ST18: variants seen among roughly 807,000 people sequenced by gnomAD.
The protein encoded by ST18 is ST18 C2H2C-type zinc finger transcription factor.
A neutral mutation model predicts 110.0 loss-of-function variants in ST18; 50 were observed. The observed-to-expected ratio is 0.45, with a 90% CI of 0.36 to 0.58. The LOEUF is 0.58. Ranked by LOEUF, ST18 falls within the 20% of genes least tolerant of loss-of-function variation. The pLI is 0.00. For synonymous variants in ST18, 461 were observed against 452.4 expected, an observed-to-expected ratio of 1.02 and a Z score of -0.24; for missense variants, 1,306 against 1,280.1, an observed-to-expected ratio of 1.02 and a Z score of -0.31.
chr8:52,388,861 T>G (rs1471696089), intron 2 of ST18, among the ~76,000 whole-genome samples: 1 of 147,404 alleles, frequency 6.8e-6, no homozygotes, highest in Non-Finnish European at 1.5e-5. Context: ...ATATACCTAA[T>G]GCTAAATGAT....
intron 25 of ST18, among the ~76,000 whole-genome samples, chr8:52,115,457 A>T (rs141978880): frequency 3.3e-5 from 5 of 152,360 alleles, no homozygotes; most frequent in Non-Finnish European, 7.4e-5. Context: ...GTCCCATAAG[A>T]TAACAATAGC....
At chr8:52,310,122 G>T (rs1464040624) in intron 2 of ST18, among the ~76,000 whole-genome samples, 1 of 152,168 alleles carries the variant, frequency 6.6e-6, no homozygotes, top group Non-Finnish European at 1.5e-5. Flanking sequence ...CCATGGCACT[G>T]CAATGCTTAA....
chr8:52,329,530 G>T (rs1474512197), intron 2 of ST18, among the ~76,000 whole-genome samples: 1 of 152,144 alleles, frequency 6.6e-6, no homozygotes, highest in Admixed American at 6.5e-5. Flanking sequence ...CGAGGCAGGT[G>T]GATCAACTGA....
chr8:52,395,279 A>G (rs1840707488), intron 2 of ST18, among the ~76,000 whole-genome samples: 1 of 152,218 alleles, frequency 6.6e-6, no homozygotes, highest in South Asian at 2.1e-4. Flanking sequence ...TTCATTGAGC[A>G]TATAAACAAA....
chr8:52,115,921 TA>T (rs2042369015), intron 25 of ST18, among the ~76,000 whole-genome samples: 1 of 152,122 alleles, frequency 6.6e-6, no homozygotes. Flanking sequence ...ATGATGCAAA[TA>T]ATGGTCTCAA....
At chr8:52,214,341 C>A in intron 6 of ST18, 84 bp from the exon 7 acceptor site, 3 of 1,463,564 alleles carry the variant, frequency 2.0e-6, no homozygotes, top group South Asian at 2.3e-5. Flanking sequence ...TTCTGAAGGT[C>A]ATTATGAAAA....
chr8:52,284,247 G>C (rs931625337), intron 2 of ST18, among the ~76,000 whole-genome samples: 5 of 152,186 alleles, frequency 3.3e-5, no homozygotes, highest in Non-Finnish European at 7.3e-5. Flanking sequence ...GCTTGGATGA[G>C]GGAAGGCAGT....
intron 2 of ST18, among the ~76,000 whole-genome samples, chr8:52,352,617 T>G (rs1275168134): frequency 6.6e-6 from 1 of 152,186 alleles, no homozygotes; most frequent in Non-Finnish European, 1.5e-5. Context: ...GTGAGAGGTT[T>G]GGATCAGCAA....
intron 8 of ST18, among the ~76,000 whole-genome samples, chr8:52,208,790 C>A (rs1303821172): frequency 6.6e-6 from 1 of 152,198 alleles, no homozygotes; most frequent in East Asian, 1.9e-4. Flanking sequence ...TGCACTCTAG[C>A]CTGGGCGACA....
Position 52,302,419 on chromosome 8 carries a change from T to C in ST18, c.-464-72342A>G, listed in dbSNP as rs139857517. ...TCAATGGTACATGCATGCCTGTATT[T>C]ATGTGTGTATGTTTATTTGTTTATA... On this transcript the variant is annotated intron_variant, in intron 2 of 25. Coordinates refer to ENST00000689386, the MANE Select transcript of ST18 (RefSeq NM_001352837.2). Among the ~76,000 whole-genome samples, 876 of 152,318 alleles carry C rather than the reference T, an allele frequency of 5.8e-3. 5 individuals carry two copies. Among genetic ancestry groups the C allele is most frequent in the African/African-American group, 0.02 (831 of 41,574 alleles).
At chr8:52,357,232 C>T (rs1206222912) in intron 2 of ST18, among the ~76,000 whole-genome samples, 1 of 152,000 alleles carries the variant, frequency 6.6e-6, no homozygotes, top group Non-Finnish European at 1.5e-5. Flanking sequence ...TGTAATTACA[C>T]TCTTGTACAC....
chr8:52,278,593 C>T (rs1228631092), intron 2 of ST18, among the ~76,000 whole-genome samples: 2 of 152,084 alleles, frequency 1.3e-5, no homozygotes, highest in Non-Finnish European at 2.9e-5. Context: ...GAAGCCCAGA[C>T]CCTTGGAAAG....
At chr8:52,201,835 G>C (rs1184462537) in intron 8 of ST18, among the ~76,000 whole-genome samples, 1 of 152,120 alleles carries the variant, frequency 6.6e-6, no homozygotes, top group Non-Finnish European at 1.5e-5. Context: ...ATTGATTCCA[G>C]TTTTGTTTTC....
chr8:52,233,160 T>C (rs1008234117), intron 2 of ST18, among the ~76,000 whole-genome samples: 1 of 152,250 alleles, frequency 6.6e-6, no homozygotes, highest in Non-Finnish European at 1.5e-5. Flanking sequence ...AACACTATTA[T>C]TTAATTAATT....
At chr8:52,218,554 A>ATTTTTTTTTTTTTTTT in intron 5 of ST18, among the ~76,000 whole-genome samples, 1 of 100,890 alleles carries the variant, frequency 9.9e-6, no homozygotes, top group Non-Finnish European at 1.9e-5. Context: ...TGCCTGGCTA[A>ATTTTTTTTTTTTTTTT]TTTTTTTTTT....
intron 17 of ST18, among the ~76,000 whole-genome samples, chr8:52,139,096 G>GA (rs143471432): frequency 6.6e-5 from 10 of 150,802 alleles, no homozygotes; most frequent in East Asian, 1.9e-4. Flanking sequence ...TAAGATAACA[G>GA]AAAAAAAACT....
chr8:52,274,573 A>G (rs913015328), intron 2 of ST18, among the ~76,000 whole-genome samples: 1 of 142,302 alleles, frequency 7.0e-6, no homozygotes, highest in Admixed American at 6.7e-5. Context: ...AAAATATGTA[A>G]TAAGTGGAGA....
At chr8:52,408,244 T>A (rs1364496391) in intron 2 of ST18, among the ~76,000 whole-genome samples, 1 of 152,236 alleles carries the variant, frequency 6.6e-6, no homozygotes, top group African/African-American at 2.4e-5. Flanking sequence ...AGAGAATCAC[T>A]ACTTTGGCAT....
Position 52,158,939 on chromosome 8 carries a change from T to C in ST18, c.1765A>G (p.Thr589Ala), listed in dbSNP as rs757826769. 6.2e-7 allele frequency: 1 copy of C among 1,614,042 alleles called. No individual in the cohort carries two copies. Among genetic ancestry groups the C allele is most frequent in the Admixed American group, 1.7e-5 (1 of 60,016 alleles). The change falls in exon 15 of 26, where the codon ACA becomes GCA. Residue 589 changes from threonine (T) to alanine (A), a missense_variant. Physicochemically the swap from Thr to Ala is moderately conservative, Grantham distance 58 (BLOSUM62 0). Coordinates refer to ENST00000689386, the MANE Select transcript of ST18 (RefSeq NM_001352837.2). ...TGTGGCTTGTTGGAGAGGATGTCTG[T>C]GGCTTCCCTGCAGCGGGTGGAAAGG... ...LNLSTRCREA[T>A]DILSNKPQSL...
Sources: allele counts gnomAD v4.1 joint callset (sites outside exome capture counted in the v4.1 genomes callset), GRCh38; gene constraint gnomAD v4.1.1; transcripts MANE v1.5; gene names NCBI Gene and HGNC (gene_info 2026-07-23, HGNC 2026-07-21).